DLGAP1: variants seen among roughly 807,000 people sequenced by gnomAD.
The protein encoded by DLGAP1 is disks large-associated protein 1.
DLGAP1 carries 11 observed loss-of-function variants against 90.8 expected under a neutral mutation model. That is an observed-to-expected ratio of 0.12 (90% CI 0.08 to 0.20). DLGAP1 has a LOEUF of 0.20. Ranked by LOEUF, DLGAP1 falls within the 10% of genes least tolerant of loss-of-function variation. The pLI is 1.00. For missense variants in DLGAP1, 1,050 were observed against 1,333.8 expected (o/e 0.79, Z 3.31); for synonymous variants, 558 against 540.7 (o/e 1.03, Z -0.44).
chr18:3,722,839 G>A (rs937686949), intron 7 of DLGAP1, among the ~76,000 whole-genome samples: 2 of 152,082 alleles, frequency 1.3e-5, no homozygotes, highest in Admixed American at 1.3e-4. Context: ...CATTAATGCT[G>A]GGAAGAGGAT....
chr18:3,877,555 C>T (rs2071035226), intron 4 of DLGAP1, among the ~76,000 whole-genome samples: 1 of 152,146 alleles, frequency 6.6e-6, no homozygotes, highest in Admixed American at 6.5e-5. Flanking sequence ...TTACTCCTTA[C>T]TTTTTGTAAG....
chr18:3,917,971 C>CT (rs1385047081), intron 3 of DLGAP1, among the ~76,000 whole-genome samples: 1 of 152,176 alleles, frequency 6.6e-6, no homozygotes, highest in African/African-American at 2.4e-5. Context: ...CAAGGAGCCG[C>CT]TGTACCCCAC....
intron 7 of DLGAP1, among the ~76,000 whole-genome samples, chr18:3,719,619 G>A (rs898684994): frequency 2.7e-5 from 4 of 150,706 alleles, no homozygotes; most frequent in Non-Finnish European, 5.9e-5. Context: ...CAATGTCAAT[G>A]TCTTGGTTTT....
chr18:3,604,604 G>A lies in DLGAP1; in HGVS notation c.1592-22356C>T, dbSNP rs189965027. Reference sequence around the variant, plus strand: ...TTCAAGCCAAAACTCAGCATTATCTGTAAGCACTCCTTTGGGTCCTTCTCT... The same window carrying A: ...TTCAAGCCAAAACTCAGCATTATCTATAAGCACTCCTTTGGGTCCTTCTCT... On this transcript the variant is annotated intron_variant, in intron 7 of 12. Transcript: ENST00000315677. Among the ~76,000 whole-genome samples the A allele has an allele frequency of 2.4e-4, 37 of 152,162 alleles. No individual in the cohort carries two copies. The East Asian group carries it at 6.0e-3, about 25-fold the overall frequency.
chr18:3,564,193 T>A (rs1018932944), intron 9 of DLGAP1, among the ~76,000 whole-genome samples: 1 of 152,228 alleles, frequency 6.6e-6, no homozygotes, highest in African/African-American at 2.4e-5. Flanking sequence ...CATTTAGTAA[T>A]GTACTGGTAA....
chr18:4,134,909 C>A (rs192188967), intron 2 of DLGAP1, among the ~76,000 whole-genome samples: 1 of 152,126 alleles, frequency 6.6e-6, no homozygotes, highest in Non-Finnish European at 1.5e-5. Context: ...CCCAGCTGTT[C>A]TACAGTGGAT....
At chr18:3,789,308 AG>A (rs1568136663) in intron 5 of DLGAP1, among the ~76,000 whole-genome samples, 1 of 152,248 alleles carries the variant, frequency 6.6e-6, no homozygotes, top group Non-Finnish European at 1.5e-5. Flanking sequence ...GGAAAGAACA[AG>A]TAAGAGTCTG....
intron 2 of DLGAP1, among the ~76,000 whole-genome samples, chr18:4,037,148 G>A (rs1021809053): frequency 2.6e-5 from 4 of 152,198 alleles, no homozygotes; most frequent in Non-Finnish European, 4.4e-5. Flanking sequence ...TTGAGAAACA[G>A]TAGCAACGTG....
intron 3 of DLGAP1, chr18:3,977,861 G>A (rs2073629753): frequency 2.6e-6 from 1 of 390,096 alleles, no homozygotes. Context: ...TCTGATGCCT[G>A]CTTCACCACC....
intron 4 of DLGAP1, among the ~76,000 whole-genome samples, chr18:3,842,652 G>A (rs1173661085): frequency 6.6e-6 from 1 of 151,702 alleles, no homozygotes; most frequent in African/African-American, 2.4e-5. Context: ...GGAGAGACAC[G>A]AGGGTGAGAT....
At chr18:3,773,655 G>C (rs2064804398) in intron 5 of DLGAP1, among the ~76,000 whole-genome samples, 2 of 152,140 alleles carry the variant, frequency 1.3e-5, no homozygotes, top group South Asian at 4.1e-4. Flanking sequence ...ATAACTTCCT[G>C]CCACACTGAT....
chr18:3,741,001 ACCACCAC>A (rs2062902446), intron 6 of DLGAP1, among the ~76,000 whole-genome samples: 1 of 78,516 alleles, frequency 1.3e-5, no homozygotes, highest in Non-Finnish European at 2.5e-5. Context: ...CCATCACCTC[ACCACCAC>A]CACCACCATC....
At position 4,179,309 on chromosome 18, in the gene DLGAP1, C is replaced by A. The variant is rs189751952; in HGVS notation, c.-266-28022G>T. Reference sequence around the variant, plus strand: ...TGCCCTGCATTCTGCTAAATGACACCGGCAACTGTAACAGCTGTCAAAAGT... The same window carrying A: ...TGCCCTGCATTCTGCTAAATGACACAGGCAACTGTAACAGCTGTCAAAAGT... On this transcript the variant is annotated intron_variant, in intron 1 of 12. Coordinates refer to ENST00000315677, the MANE Select transcript of DLGAP1 (RefSeq NM_004746.4). Among the ~76,000 whole-genome samples the A allele has an allele frequency of 2.3e-4, 35 of 152,120 alleles. No homozygotes were observed. In the East Asian group the frequency reaches 6.8e-3, roughly 29 times the overall value.
At chr18:3,772,764 G>A (rs1218256688) in intron 5 of DLGAP1, among the ~76,000 whole-genome samples, 2 of 152,016 alleles carry the variant, frequency 1.3e-5, no homozygotes, top group Non-Finnish European at 2.9e-5. Flanking sequence ...CTGGGAGCTT[G>A]TTAGGCATGC....
chr18:4,306,049 C>T, intron 1 of DLGAP1, among the ~76,000 whole-genome samples: 1 of 150,322 alleles, frequency 6.7e-6, no homozygotes, highest in African/African-American at 2.5e-5. Context: ...CACACACACA[C>T]ACACACACAC....
At chr18:4,034,072 G>A (rs546604708) in intron 2 of DLGAP1, among the ~76,000 whole-genome samples, 38 of 107,566 alleles carry the variant, frequency 3.5e-4, no homozygotes, top group Admixed American at 6.3e-4. Context: ...ATGGAGTTTC[G>A]CTCTTGTTGC....
chr18:3,580,600 G>A (rs1411313322), intron 8 of DLGAP1: 2 of 1,586,762 alleles, frequency 1.3e-6, no homozygotes, highest in African/African-American at 2.7e-5. Context: ...AGACTAGAGA[G>A]AATGGACTGG....
chr18:4,363,117 A>G (rs1359768479), intron 1 of DLGAP1, among the ~76,000 whole-genome samples: 1 of 152,160 alleles, frequency 6.6e-6, no homozygotes, highest in African/African-American at 2.4e-5. Context: ...AGTAAATGAA[A>G]TGGCCATAGT....
At chr18:3,538,780 G>T (rs933983120) in intron 9 of DLGAP1, among the ~76,000 whole-genome samples, 11 of 152,200 alleles carry the variant, frequency 7.2e-5, no homozygotes, top group Non-Finnish European at 1.6e-4. Context: ...AGAGCAAACT[G>T]CCACAGCCAG....
Sources: allele counts gnomAD v4.1 joint callset (sites outside exome capture counted in the v4.1 genomes callset), GRCh38; gene constraint gnomAD v4.1.1; transcripts MANE v1.5; gene names NCBI Gene and HGNC (gene_info 2026-07-23, HGNC 2026-07-21).